NFS1: variants seen among roughly 807,000 people sequenced by gnomAD.
NFS1 encodes NFS1 cysteine desulfurase, also known as cysteine desulfurase.
NFS1 carries 26 observed loss-of-function variants against 57.3 expected under a neutral mutation model. The ratio of observed to expected loss-of-function variants is 0.45; its 90% confidence interval spans 0.33 to 0.63. NFS1 has a LOEUF of 0.63. Among genes scored for constraint, NFS1 ranks in the 20% least tolerant of loss-of-function variants. The pLI is 0.02. For synonymous variants in NFS1, 209 were observed against 216.3 expected (o/e 0.97, Z 0.30); for missense variants, 505 against 605.8 (o/e 0.83, Z 1.75).
At chr20:35,674,041 G>A (rs1372594298) in intron 10 of NFS1, 3 of 460,950 alleles carry the variant, frequency 6.5e-6, no homozygotes, top group South Asian at 2.3e-5. Flanking sequence ...CAAACACTTA[G>A]TGGCCTTTGG....
At chr20:35,683,893 C>A (rs1319050905) in intron 5 of NFS1, among the ~76,000 whole-genome samples, 3 of 150,704 alleles carry the variant, frequency 2.0e-5, no homozygotes, top group Non-Finnish European at 4.4e-5. Flanking sequence ...TTCGGCAGAT[C>A]ACCTGAGGTC....
chr20:35,669,413 G>A lies in NFS1; in HGVS notation c.*209C>T, dbSNP rs952326316. 2.7e-5 allele frequency: 14 copies of A among 525,736 alleles called. No homozygotes were observed. Among genetic ancestry groups the A allele is most frequent in the East Asian group, 6.1e-5 (2 of 32,832 alleles). The allele number at this position is 525,736 out of a possible 1,614,324, so 32.6% of individuals were successfully genotyped here. On this transcript the variant is annotated 3_prime_UTR_variant, in exon 13 of 13. Coordinates refer to ENST00000374092, the MANE Select transcript of NFS1 (RefSeq NM_021100.5). ...AAAATGTCCACACACTTTAAGACCC[G>A]AGAAGAAATGGGGAGTGCTCCACAC...
chr20:35,672,144 G>A (rs1181611636), intron 12 of NFS1, among the ~76,000 whole-genome samples: 3 of 151,944 alleles, frequency 2.0e-5, no homozygotes, highest in Non-Finnish European at 4.4e-5. Context: ...ATTTTTAGGA[G>A]AGACGGGGTT....
rs866015383 is a variant in NFS1 at position 35,680,782 on chromosome 20, T to C, written c.745A>G (p.Ile249Val). 4 of 1,574,680 alleles carry C rather than the reference T, an allele frequency of 2.5e-6. No homozygotes were observed. In the African/African-American group the frequency reaches 4.1e-5, roughly 16 times the overall value. ...KIPLDVNDMK[I>V]DLMSISGHKI... ...TGACCACTAATGCTCATGAGATCAA[T>C]TTTCATGTCATTGACATCAAGTGGG... The change falls in exon 7 of 13, where the codon ATT (isoleucine) becomes GTT (valine). Residue 249 changes from isoleucine (I) to valine (V), a missense_variant. Transcript: ENST00000374092.
chr20:35,687,571 G>A lies in NFS1; in HGVS notation c.561+2842C>T, dbSNP rs2034967888. Among the ~76,000 whole-genome samples, 3 of 152,242 alleles carry A rather than the reference G, an allele frequency of 2.0e-5. No homozygotes were observed. In the South Asian group the frequency reaches 6.2e-4, roughly 32 times the overall value. On this transcript the variant is annotated intron_variant, in intron 5 of 12. Coordinates refer to ENST00000374092, the MANE Select transcript of NFS1 (RefSeq NM_021100.5). ...CTTGTATCCAATAAATATCAGCGCA[G>A]GCTGGCATTCGGGGCCACTACCAGT... is the stretch of plus-strand genomic sequence containing the variant.
Position 35,673,690 on chromosome 20 carries a change from G to A in NFS1, c.1137-6C>T. Reference sequence around the variant, plus strand: ...GGGATGCAGAGGTGCAGGCACTGAGGAGAGAGACACGAACCTTGTTCAGTT... The same window carrying A: ...GGGATGCAGAGGTGCAGGCACTGAGAAGAGAGACACGAACCTTGTTCAGTT... On this transcript the variant is annotated splice_region_variant and splice_polypyrimidine_tract_variant and intron_variant, in intron 10 of 12. Coordinates refer to ENST00000374092, the MANE Select transcript of NFS1 (RefSeq NM_021100.5). The A allele has an allele frequency of 1.9e-6, 3 of 1,611,852 alleles. No homozygotes were observed. Among genetic ancestry groups the A allele is most frequent in the Non-Finnish European group, 2.5e-6 (3 of 1,178,174 alleles).
chr20:35,680,375 T>G (rs1243383486), intron 7 of NFS1, among the ~76,000 whole-genome samples: 1 of 151,736 alleles, frequency 6.6e-6, no homozygotes, highest in Non-Finnish European at 1.5e-5. Context: ...AGCAAGACAC[T>G]GGGAATGAGG....
chr20:35,671,679 C>T (rs901528248), intron 12 of NFS1, among the ~76,000 whole-genome samples: 3 of 152,016 alleles, frequency 2.0e-5, no homozygotes, highest in African/African-American at 7.2e-5. Flanking sequence ...TGCTTGAGCC[C>T]GGGAGTTTGA....
Position 35,669,494 on chromosome 20 carries a change from G to T in NFS1, c.*128C>A. On this transcript the variant is annotated 3_prime_UTR_variant, in exon 13 of 13. Transcript: ENST00000374092. The stretch of plus-strand genomic sequence containing the variant: ...TTCTTGTGTTTCTGTCATAGAGGTG[G>T]ACTGATGCTGAAGTCAACTGGTCTA... 1 of 766,380 alleles carries T rather than the reference G, an allele frequency of 1.3e-6. No homozygotes were observed. The highest frequency in any genetic ancestry group is 2.3e-6 in the Non-Finnish European group (1 of 433,832). 47.5% of individuals were successfully genotyped at this position (766,380 alleles called of 1,614,324 possible). A position where few individuals can be genotyped will look rare whatever the true frequency, so the allele number is the denominator to read the frequency against.
At chr20:35,676,954 C>A (rs1410556420) in intron 7 of NFS1, among the ~76,000 whole-genome samples, 1 of 151,910 alleles carries the variant, frequency 6.6e-6, no homozygotes, top group Admixed American at 6.6e-5. Context: ...GCAACCTCCA[C>A]CTTCCCGGTT....
intron 5 of NFS1, among the ~76,000 whole-genome samples, chr20:35,689,716 G>A (rs1371911591): frequency 1.3e-5 from 2 of 150,564 alleles, no homozygotes; most frequent in African/African-American, 2.4e-5. Flanking sequence ...GTTGCAGTGA[G>A]CCAAGATCGC....
At chr20:35,693,756 G>T (rs1454678135) in intron 4 of NFS1, among the ~76,000 whole-genome samples, 1 of 152,156 alleles carries the variant, frequency 6.6e-6, no homozygotes, top group Admixed American at 6.5e-5. Flanking sequence ...AAGGTCAGGA[G>T]ATCGAGACCA....
At chr20:35,694,389 C>A (rs1287070488) in intron 4 of NFS1, among the ~76,000 whole-genome samples, 1 of 152,070 alleles carries the variant, frequency 6.6e-6, no homozygotes, top group African/African-American at 2.4e-5. Context: ...AGATGATCTG[C>A]CGGTCTCAGC....
chr20:35,669,757 T>C (rs2034623357), intron 12 of NFS1, 72 bp from the exon 13 acceptor site: 1 of 1,401,920 alleles, frequency 7.1e-7, no homozygotes, highest in Admixed American at 1.7e-5. Context: ...CCCAAGGCTC[T>C]GAGCAATGGC....
At chr20:35,695,474 T>C (rs2035116921) in intron 4 of NFS1, among the ~76,000 whole-genome samples, 1 of 152,228 alleles carries the variant, frequency 6.6e-6, no homozygotes, top group Non-Finnish European at 1.5e-5. Context: ...AATCTGACTA[T>C]GTTCTATGAA....
At chr20:35,694,419 A>T (rs949376628) in intron 4 of NFS1, among the ~76,000 whole-genome samples, 1 of 152,174 alleles carries the variant, frequency 6.6e-6, no homozygotes, top group Non-Finnish European at 1.5e-5. Context: ...TGCTGGGATT[A>T]CAGGTGTAAG....
chr20:35,674,790 A>C (rs1279113448), intron 8 of NFS1, 173 bp from the exon 9 acceptor site: 3 of 680,046 alleles, frequency 4.4e-6, no homozygotes, highest in Non-Finnish European at 7.5e-6. Flanking sequence ...CTGGTATGCA[A>C]AAGGCGCTTG....
intron 5 of NFS1, among the ~76,000 whole-genome samples, chr20:35,683,663 C>G (rs2034888376): frequency 6.7e-6 from 1 of 149,188 alleles, no homozygotes; most frequent in South Asian, 2.1e-4. Flanking sequence ...GCCCTGTAGT[C>G]CCAAGCTACT....
chr20:35,673,770 G>T, intron 10 of NFS1, 86 bp from the exon 11 acceptor site: 1 of 1,042,592 alleles, frequency 9.6e-7, no homozygotes, highest in Non-Finnish European at 1.5e-6. Context: ...CCATCCCCCA[G>T]GGCCCTGGAG....
Sources: allele counts gnomAD v4.1 joint callset (sites outside exome capture counted in the v4.1 genomes callset), GRCh38; gene constraint gnomAD v4.1.1; transcripts MANE v1.5; gene names NCBI Gene and HGNC (gene_info 2026-07-23, HGNC 2026-07-21).